Variants in GRM5 observed in about 807,000 individuals in gnomAD.
GRM5 encodes the protein metabotropic glutamate receptor 5.
A neutral mutation model predicts 83.1 loss-of-function variants in GRM5; 19 were observed. The ratio of observed to expected loss-of-function variants is 0.23; its 90% confidence interval spans 0.16 to 0.34. The LOEUF is 0.34. Among genes scored for constraint, GRM5 ranks in the 10% least tolerant of loss-of-function variants. GRM5 has a pLI of 1.00. For synonymous variants in GRM5, 675 were observed against 633.6 expected (o/e 1.07, Z -0.98); for missense variants, 1,160 against 1,588.3 (o/e 0.73, Z 4.58).
intron 2 of GRM5, among the ~76,000 whole-genome samples, chr11:88,961,863 T>G (rs920089519): frequency 1.3e-5 from 2 of 152,170 alleles, no homozygotes; most frequent in African/African-American, 4.8e-5. Flanking sequence ...CACCCGGTGA[T>G]CAGTGAAATG....
At chr11:88,666,166 C>T (rs915524919) in intron 3 of GRM5, among the ~76,000 whole-genome samples, 1 of 152,118 alleles carries the variant, frequency 6.6e-6, no homozygotes, top group East Asian at 1.9e-4. Context: ...GGCAGTCATA[C>T]TGAATTGAAG....
chr11:88,687,539 C>T (rs1265091722), intron 3 of GRM5, among the ~76,000 whole-genome samples: 253 of 19,260 alleles, frequency 0.013, 8 homozygotes, highest in Admixed American at 0.055. Context: ...CATATATATA[C>T]ACACACACAC....
chr11:88,885,507 A>G (rs1231128299), intron 2 of GRM5, among the ~76,000 whole-genome samples: 2 of 114,802 alleles, frequency 1.7e-5, no homozygotes, highest in Non-Finnish European at 3.2e-5. Flanking sequence ...CTGTGTTTGA[A>G]GCTGGGAGTT....
chr11:88,668,422 TC>T (rs1940107886), intron 3 of GRM5, among the ~76,000 whole-genome samples: 1 of 145,296 alleles, frequency 6.9e-6, no homozygotes, highest in African/African-American at 2.5e-5. Flanking sequence ...CAATTTTTTT[TC>T]AAAAAAAAGC....
chr11:88,881,363 A>G (rs1051208363), intron 2 of GRM5, among the ~76,000 whole-genome samples: 1 of 151,862 alleles, frequency 6.6e-6, no homozygotes, highest in Admixed American at 6.6e-5. Flanking sequence ...TTCAACTATG[A>G]TGATCAACAA....
At chr11:88,821,448 C>A (rs2135509778) in intron 3 of GRM5, among the ~76,000 whole-genome samples, 1 of 150,878 alleles carries the variant, frequency 6.6e-6, no homozygotes, top group East Asian at 2.0e-4. Flanking sequence ...CATCCCCAGA[C>A]AAAGAGCAGC....
At chr11:88,743,861 A>G (rs1224228699) in intron 3 of GRM5, among the ~76,000 whole-genome samples, 2 of 152,172 alleles carry the variant, frequency 1.3e-5, no homozygotes, top group African/African-American at 4.8e-5. Context: ...GACCACACAT[A>G]CAGATTTGGC....
intron 8 of GRM5, among the ~76,000 whole-genome samples, chr11:88,551,127 T>C (rs1218231907): frequency 1.3e-5 from 2 of 152,160 alleles, no homozygotes; most frequent in African/African-American, 4.8e-5. Flanking sequence ...GGAATAGTAA[T>C]GTTACCTGTC....
intron 2 of GRM5, among the ~76,000 whole-genome samples, chr11:88,940,370 T>TTTTTTTTC (rs976069209): frequency 1.3e-5 from 2 of 151,146 alleles, no homozygotes; most frequent in South Asian, 2.1e-4. Context: ...AGGGACAATT[T>TTTTTTTTC]TTTTTTTCTT....
intron 4 of GRM5, among the ~76,000 whole-genome samples, chr11:88,606,141 T>C (rs1203268250): frequency 6.6e-6 from 1 of 152,032 alleles, no homozygotes; most frequent in Non-Finnish European, 1.5e-5. Context: ...TTTAAGGAAA[T>C]CAATGACCAG....
intron 3 of GRM5, among the ~76,000 whole-genome samples, chr11:88,747,328 A>G (rs1317937075): frequency 1.3e-5 from 2 of 152,192 alleles, no homozygotes; most frequent in Admixed American, 6.6e-5. Context: ...AGCATTGGAG[A>G]TAAACAGATT....
chr11:88,598,559 AAATACC>A (rs1483817646), intron 5 of GRM5, among the ~76,000 whole-genome samples: 3 of 152,116 alleles, frequency 2.0e-5, no homozygotes, highest in Non-Finnish European at 2.9e-5. Context: ...TCTAAATCAA[AAATACC>A]AATTTATAGG....
chr11:88,924,444 A>G (rs936084640), intron 2 of GRM5, among the ~76,000 whole-genome samples: 10 of 152,102 alleles, frequency 6.6e-5, no homozygotes, highest in Non-Finnish European at 1.3e-4. Context: ...TATTTTATAT[A>G]TACATACAAA....
At chr11:88,600,733 G>A (rs1937962646) in intron 5 of GRM5, among the ~76,000 whole-genome samples, 1 of 152,192 alleles carries the variant, frequency 6.6e-6, no homozygotes, top group Admixed American at 6.5e-5. Flanking sequence ...TATTCAAGGG[G>A]CTGAAACAGG....
At chr11:88,644,270 C>A (rs2135291028) in intron 4 of GRM5, among the ~76,000 whole-genome samples, 1 of 152,156 alleles carries the variant, frequency 6.6e-6, no homozygotes, top group African/African-American at 2.4e-5. Flanking sequence ...CTACAGTGAC[C>A]CAGAGTCCCT....
chr11:89,030,123 C>T (rs935840991), intron 2 of GRM5, among the ~76,000 whole-genome samples: 1 of 152,096 alleles, frequency 6.6e-6, no homozygotes, highest in Non-Finnish European at 1.5e-5. Flanking sequence ...AATACAATGA[C>T]AACGGGTGCA....
chr11:88,977,573 A>G (rs991944541), intron 2 of GRM5, among the ~76,000 whole-genome samples: 2 of 152,174 alleles, frequency 1.3e-5, no homozygotes, highest in Non-Finnish European at 2.9e-5. Flanking sequence ...TTTCCAAAGT[A>G]TTATCTACTT....
At chr11:88,528,769 TG>T (rs1365647321) in intron 8 of GRM5, among the ~76,000 whole-genome samples, 1 of 152,052 alleles carries the variant, frequency 6.6e-6, no homozygotes, top group East Asian at 1.9e-4. Flanking sequence ...ATATTGAGCA[TG>T]CCAGGCTGTT....
intron 4 of GRM5, among the ~76,000 whole-genome samples, chr11:88,622,403 T>C (rs1354888472): frequency 1.3e-5 from 2 of 152,222 alleles, no homozygotes; most frequent in African/African-American, 4.8e-5. Flanking sequence ...GCAGTATACC[T>C]AAAACGAACA....
Sources: allele counts gnomAD v4.1 joint callset (sites outside exome capture counted in the v4.1 genomes callset), GRCh38; gene constraint gnomAD v4.1.1; transcripts MANE v1.5; gene names NCBI Gene and HGNC (gene_info 2026-07-23, HGNC 2026-07-21).